ABI1: variants seen among roughly 807,000 people sequenced by gnomAD.
The protein encoded by ABI1 is Abelson interactor 1.
A neutral mutation model predicts 54.6 loss-of-function variants in ABI1; 14 were observed. The ratio of observed to expected loss-of-function variants is 0.26; its 90% CI spans 0.17 to 0.40. The LOEUF is 0.40. Among genes scored for constraint, ABI1 ranks in the 10% least tolerant of loss-of-function variants. ABI1 has a pLI of 1.00. For missense variants in ABI1, 443 were observed against 598.3 expected, an observed-to-expected ratio of 0.74 and a Z score of 2.71; for synonymous variants, 194 against 209.3, an observed-to-expected ratio of 0.93 and a Z score of 0.63.
In ABI1 at chr10:26,747,073, T is replaced by G. The variant is rs1470048097; in HGVS notation, c.*1497A>C. Reference sequence around the variant, plus strand: ...CAAAATGCATATGAAATAGTCACATTGATTTGGTAGCAATAATGGTCTTTA... The same window carrying G: ...CAAAATGCATATGAAATAGTCACATGGATTTGGTAGCAATAATGGTCTTTA... On this transcript the variant is annotated 3_prime_UTR_variant, in exon 11 of 11. Coordinates refer to ENST00000376140, the MANE Select transcript of ABI1 (RefSeq NM_001012750.3). The G allele has an allele frequency of 4.4e-6, 1 of 229,608 alleles. No individual in the cohort carries two copies. Among genetic ancestry groups the G allele is most frequent in the Non-Finnish European group, 8.6e-6 (1 of 115,740 alleles). 14.2% of individuals were successfully genotyped at this position (229,608 alleles called of 1,614,324 possible).
intron 1 of ABI1, among the ~76,000 whole-genome samples, chr10:26,838,339 A>G (rs1302913102): frequency 1.3e-5 from 2 of 152,054 alleles, no homozygotes; most frequent in Non-Finnish European, 2.9e-5. Flanking sequence ...AATCTTTCAC[A>G]TGCACCTGAG....
chr10:26,828,638 C>A (rs879313112), intron 1 of ABI1, among the ~76,000 whole-genome samples: 1 of 152,146 alleles, frequency 6.6e-6, no homozygotes, highest in Non-Finnish European at 1.5e-5. Context: ...CAGAGAGAAA[C>A]CACTCTACAA....
intron 2 of ABI1, among the ~76,000 whole-genome samples, chr10:26,780,396 T>A (rs1841956824): frequency 6.6e-6 from 1 of 152,102 alleles, no homozygotes; most frequent in Non-Finnish European, 1.5e-5. Context: ...CCAGGCTAAT[T>A]TTTTAAATAT....
intron 7 of ABI1, among the ~76,000 whole-genome samples, chr10:26,760,015 CA>C (rs1438855678): frequency 6.7e-6 from 1 of 150,076 alleles, no homozygotes; most frequent in Non-Finnish European, 1.5e-5. Context: ...TTTTGTTTAG[CA>C]AATCTATTCT....
intron 1 of ABI1, among the ~76,000 whole-genome samples, chr10:26,841,656 ATTTTT>A (rs1211666477): frequency 1.4e-5 from 2 of 143,174 alleles, no homozygotes; most frequent in South Asian, 4.6e-4. Flanking sequence ...CTTTTTTTTT[ATTTTT>A]TTTAAGATTC....
intron 1 of ABI1, chr10:26,839,829 A>G (rs1486927701): frequency 1.4e-5 from 10 of 696,018 alleles, no homozygotes; most frequent in Admixed American, 4.1e-5. Context: ...TTTGCACTTT[A>G]AAGATGGTAA....
At chr10:26,823,652 C>T (rs2048125852) in intron 1 of ABI1, among the ~76,000 whole-genome samples, 1 of 152,170 alleles carries the variant, frequency 6.6e-6, no homozygotes, top group Non-Finnish European at 1.5e-5. Context: ...CCTCAAGCTC[C>T]CAATCCACTT....
chr10:26,762,452 ACT>A (rs944684689), intron 7 of ABI1, among the ~76,000 whole-genome samples: 1 of 152,026 alleles, frequency 6.6e-6, no homozygotes, highest in African/African-American at 2.4e-5. Flanking sequence ...TGGGGATGAC[ACT>A]CTGAAAACCA....
intron 2 of ABI1, among the ~76,000 whole-genome samples, chr10:26,795,152 A>G (rs1428248120): frequency 6.6e-6 from 1 of 151,956 alleles, no homozygotes; most frequent in Non-Finnish European, 1.5e-5. Context: ...AAAAAAAAAA[A>G]AAAACCAAAA....
intron 1 of ABI1, among the ~76,000 whole-genome samples, chr10:26,831,828 T>G (rs1351402266): frequency 2.0e-5 from 3 of 152,224 alleles, no homozygotes; most frequent in Non-Finnish European, 4.4e-5. Flanking sequence ...TAATAGCTGA[T>G]GCTGTGAACT....
At chr10:26,806,779 AT>A (rs1179068783) in intron 2 of ABI1, among the ~76,000 whole-genome samples, 1 of 152,220 alleles carries the variant, frequency 6.6e-6, no homozygotes, top group East Asian at 1.9e-4. Context: ...AAAATGAGTA[AT>A]ATCAGTGCAA....
chr10:26,760,005 T>C lies in ABI1; in HGVS notation c.821-767A>G, dbSNP rs114483313. On this transcript the variant is annotated intron_variant, in intron 7 of 10. Coordinates refer to ENST00000376140, the MANE Select transcript of ABI1 (RefSeq NM_001012750.3). ...TATAAAATATGGCATTTTAAGGTAG[T>C]TTTGTTTAGCAAATCTATTCTCTTT... Among the ~76,000 whole-genome samples, 641 of 151,974 alleles carry C rather than the reference T, an allele frequency of 4.2e-3. 4 individuals are homozygous for C. Among genetic ancestry groups the C allele is most frequent in the African/African-American group, 0.015 (606 of 41,450 alleles).
At chr10:26,797,486 T>C (rs1004453597) in intron 2 of ABI1, among the ~76,000 whole-genome samples, 2 of 152,176 alleles carry the variant, frequency 1.3e-5, no homozygotes, top group African/African-American at 4.8e-5. Flanking sequence ...TCACATATTA[T>C]CACAGGGAGG....
intron 2 of ABI1, among the ~76,000 whole-genome samples, chr10:26,779,753 A>G (rs932763934): frequency 6.6e-6 from 1 of 152,152 alleles, no homozygotes; most frequent in African/African-American, 2.4e-5. Context: ...TCCTTTCAAG[A>G]TAACTGGAAA....
At chr10:26,851,120 ATTAGC>A (rs2050352386) in intron 1 of ABI1, among the ~76,000 whole-genome samples, 2 of 152,200 alleles carry the variant, frequency 1.3e-5, no homozygotes, top group Non-Finnish European at 2.9e-5. Flanking sequence ...CATGGAGGTT[ATTAGC>A]ATTCAGAGAG....
intron 2 of ABI1, among the ~76,000 whole-genome samples, chr10:26,805,274 T>C (rs912470158): frequency 1.3e-5 from 2 of 152,094 alleles, no homozygotes; most frequent in African/African-American, 4.8e-5. Context: ...TAGGCTACTG[T>C]GAAGACTCAG....
chr10:26,847,954 T>C lies in ABI1; in HGVS notation c.117+12793A>G, dbSNP rs961227794. Among the ~76,000 whole-genome samples, 3 of 151,638 alleles carry C rather than the reference T, an allele frequency of 2.0e-5. No homozygotes were observed. The East Asian group carries it at 5.8e-4, about 30-fold the overall frequency. On this transcript the variant is annotated intron_variant, in intron 1 of 10. Coordinates refer to ENST00000376140, the MANE Select transcript of ABI1 (RefSeq NM_001012750.3). The stretch of plus-strand genomic sequence containing the variant: ...AGGCCGAGTCAGGAGGATTGCTACG[T>C]TGGGAGGCCGAGTCAGGAGGATTGC...
intron 1 of ABI1, among the ~76,000 whole-genome samples, chr10:26,835,907 G>A (rs947244534): frequency 1.3e-5 from 2 of 151,130 alleles, no homozygotes; most frequent in Non-Finnish European, 2.9e-5. Flanking sequence ...ATGCCACCAT[G>A]TCTGGCTAAC....
At chr10:26,763,503 A>T (rs918133093) in intron 7 of ABI1, among the ~76,000 whole-genome samples, 6 of 152,040 alleles carry the variant, frequency 3.9e-5, no homozygotes, top group African/African-American at 1.2e-4. Flanking sequence ...TTGCCTTTCA[A>T]TTTTTCTCCT....
Sources: allele counts gnomAD v4.1 joint callset (sites outside exome capture counted in the v4.1 genomes callset), GRCh38; gene constraint gnomAD v4.1.1; transcripts MANE v1.5; gene names NCBI Gene and HGNC (gene_info 2026-07-23, HGNC 2026-07-21).